Variants in ZNF845 observed in about 807,000 individuals in gnomAD.
ZNF845 encodes the protein zinc finger protein 845.
ZNF845 carries 59 observed loss-of-function variants against 76.1 expected under a neutral mutation model. The ratio of observed to expected loss-of-function variants is 0.78; its 90% confidence interval spans 0.63 to 0.96. The LOEUF is 0.96. Among genes scored for constraint, ZNF845 ranks in the 40% least tolerant of loss-of-function variants. The probability of loss-of-function intolerance (pLI) is 0.00; values close to 1 mark genes in which losing one functional copy is unlikely to be tolerated. For synonymous variants in ZNF845, 361 were observed against 386.9 expected, an observed-to-expected ratio of 0.93 and a Z score of 0.78; for missense variants, 1,045 against 1,172.8, an observed-to-expected ratio of 0.89 and a Z score of 1.59.
intron 1 of ZNF845, among the ~76,000 whole-genome samples, chr19:53,334,734 C>G (rs1321449801): frequency 2.6e-5 from 3 of 114,118 alleles, no homozygotes; most frequent in Non-Finnish European, 5.6e-5. Context: ...GACCCCCCCC[C>G]CCATCTCTGT....
At position 53,352,384 on chromosome 19, in the gene ZNF845, A is replaced by ATAT. The variant is rs1408740173; in HGVS notation, c.1709_1710insTAT (p.Gln570delinsHisIle). 5 of 1,613,718 alleles carry ATAT rather than the reference A, an allele frequency of 3.1e-6. No homozygotes were observed. The highest frequency in any genetic ancestry group is 4.2e-6 in the Non-Finnish European group (5 of 1,179,798). On this transcript the variant is annotated protein_altering_variant, in exon 4 of 4. Coordinates refer to ENST00000458035, the MANE Select transcript of ZNF845 (RefSeq NM_138374.3). ...GGGCAGTCAGCACTTATTTACCATC[A>ATAT]AGCAATCCATGGTATAGGGAAACTT...
At chr19:53,346,288 C>T in intron 3 of ZNF845, 1 of 343,270 alleles carries the variant, frequency 2.9e-6, no homozygotes, top group Non-Finnish European at 5.9e-6. Context: ...GCTTTGACTC[C>T]CTTCTTATTG....
chr19:53,334,745 C>A (rs138202614), intron 1 of ZNF845, among the ~76,000 whole-genome samples: 22 of 141,340 alleles, frequency 1.6e-4, no homozygotes, highest in Non-Finnish European at 2.8e-4. Flanking sequence ...CCATCTCTGT[C>A]AAAAAAAAAA....
chr19:53,349,998 G>T (rs1195240275), intron 3 of ZNF845, among the ~76,000 whole-genome samples: 1 of 152,186 alleles, frequency 6.6e-6, no homozygotes, highest in East Asian at 1.9e-4. Flanking sequence ...CTGGGCCATT[G>T]CACTCCAGCC....
intron 1 of ZNF845, among the ~76,000 whole-genome samples, chr19:53,338,690 G>A (rs1330429418): frequency 1.7e-5 from 2 of 118,322 alleles, no homozygotes; most frequent in South Asian, 2.6e-4. Context: ...GTCACAACAC[G>A]TGAGCACACA....
At chr19:53,344,352 A>G (rs2085278254) in intron 2 of ZNF845, among the ~76,000 whole-genome samples, 1 of 152,070 alleles carries the variant, frequency 6.6e-6, no homozygotes, top group Admixed American at 6.6e-5. Context: ...AACCTGGCCA[A>G]TATGGTGAAA....
At position 53,353,521 on chromosome 19, in the gene ZNF845, G is replaced by A. The variant is rs779612555; in HGVS notation, c.2846G>A (p.Gly949Asp). The change falls in exon 4 of 4, where the codon GGC (glycine) becomes GAC (aspartate). Residue 949 changes from glycine (G) to aspartate (D), a missense_variant. By Grantham distance (94) the Gly-to-Asp change is moderately conservative. Coordinates refer to ENST00000458035, the MANE Select transcript of ZNF845 (RefSeq NM_138374.3). ...AAACCTTACAAGTGTAATGAATGTGGCAAGGTTTTTAATCGAAAAGCAAAA... is the reference window on the plus strand; with the variant it reads ...AAACCTTACAAGTGTAATGAATGTGACAAGGTTTTTAATCGAAAAGCAAAA... ...GEKPYKCNECGKVFNRKAKLA... is the reference protein window; with the variant it reads ...GEKPYKCNECDKVFNRKAKLA... The A allele has an allele frequency of 3.7e-6, 6 of 1,612,892 alleles. No homozygotes were observed. The highest frequency in any genetic ancestry group is 5.1e-6 in the Non-Finnish European group (6 of 1,179,410).
At chr19:53,336,571 C>A (rs1358876938) in intron 1 of ZNF845, among the ~76,000 whole-genome samples, 1 of 150,958 alleles carries the variant, frequency 6.6e-6, no homozygotes. Context: ...TGCTTTTGTT[C>A]TCGTTGTGTA....
chr19:53,344,459 T>A, intron 2 of ZNF845, among the ~76,000 whole-genome samples: 1 of 151,928 alleles, frequency 6.6e-6, no homozygotes, highest in East Asian at 1.9e-4. Context: ...AATCACTTGA[T>A]CCTGGGAGGT....
At position 53,350,921 on chromosome 19, in the gene ZNF845, T is replaced by C. The variant is rs759596667; in HGVS notation, c.246T>C (p.Ile82=). 1.2e-6 allele frequency: 2 copies of C among 1,614,186 alleles called. No individual in the cohort carries two copies. Among genetic ancestry groups the C allele is most frequent in the Non-Finnish European group, 1.7e-6 (2 of 1,180,028 alleles). Residue 82 remains isoleucine, a synonymous_variant, in exon 4 of 4, where the codon ATT becomes ATC. Transcript: ENST00000458035. ...GTLQRHERHH[I]GDFCFQEMEK... is the part of the protein sequence containing the mutation. ...TGCAAAGACATGAACGTCATCACAT[T>C]GGAGATTTTTGCTTCCAGGAAATGG... is the stretch of plus-strand genomic sequence containing the variant.
rs1416676750 is a variant in ZNF845 at position 53,352,129 on chromosome 19, A to T, written c.1454A>T (p.His485Leu). 1.9e-6 allele frequency: 3 copies of T among 1,614,092 alleles called. No homozygotes were observed. The highest frequency in any genetic ancestry group is 1.1e-5 in the South Asian group (1 of 91,080). Residue 485 changes from histidine to leucine, a missense_variant, in exon 4 of 4, where the codon CAT (histidine) becomes CTT (leucine). His to Leu is a moderately conservative substitution (Grantham distance 99, BLOSUM62 -3). Coordinates refer to ENST00000458035, the MANE Select transcript of ZNF845 (RefSeq NM_138374.3). ...AGTCAGACATCATCCCTTGTATACC[A>T]TCGTAGACTTCATACTGGAGAGAAA... ...TFSQTSSLVY[H>L]RRLHTGEKPY...
At chr19:53,344,470 G>T (rs1177149229) in intron 2 of ZNF845, among the ~76,000 whole-genome samples, 1 of 152,026 alleles carries the variant, frequency 6.6e-6, no homozygotes, top group African/African-American at 2.4e-5. Context: ...CCTGGGAGGT[G>T]GAGGTTGCAG....
At position 53,345,552 on chromosome 19, in the gene ZNF845, A is replaced by G. The variant is rs536494704; in HGVS notation, c.62A>G (p.Glu21Gly). The G allele has an allele frequency of 2.5e-5, 40 of 1,613,432 alleles. No individual in the cohort carries two copies. In the South Asian group the frequency reaches 4.4e-4, roughly 18 times the overall value. ...RDVAIEFSQE[E>G]WKCLDPAQRT... Reference sequence around the variant, plus strand: ...GTGGCCATAGAATTCTCTCAGGAAGAGTGGAAGTGCCTGGACCCTGCTCAG... The same window carrying G: ...GTGGCCATAGAATTCTCTCAGGAAGGGTGGAAGTGCCTGGACCCTGCTCAG... Residue 21 changes from glutamate (E) to glycine (G), a missense_variant, in exon 3 of 4, where the codon GAG becomes GGG. Transcript: ENST00000458035.
rs2085380378 is a variant in ZNF845, at chr19:53,355,568, T to A, written c.*1980T>A. 6.6e-6 allele frequency: 1 copy of A among 152,124 alleles called. No homozygotes were observed. Among genetic ancestry groups the A allele is most frequent in the Admixed American group, 6.5e-5 (1 of 15,284 alleles). The allele number at this position is 152,124 out of a possible 1,614,324, so 9.4% of individuals were successfully genotyped here. A position where few individuals can be genotyped will look rare whatever the true frequency, so the allele number is the denominator to read the frequency against. ...CTTCGGACTTGCAAATTGCTGGGAT[T>A]ATGGGTGTGAGCCATGAGCCCGGCC... On this transcript the variant is annotated 3_prime_UTR_variant, in exon 4 of 4. Transcript: ENST00000458035.
intron 1 of ZNF845, among the ~76,000 whole-genome samples, chr19:53,340,251 C>T (rs2085246791): frequency 6.6e-6 from 1 of 152,166 alleles, no homozygotes. Flanking sequence ...AGGGTTTCAC[C>T]ATGTTGGCCA....
At chr19:53,349,865 T>C (rs1256541566) in intron 3 of ZNF845, among the ~76,000 whole-genome samples, 1 of 151,880 alleles carries the variant, frequency 6.6e-6, no homozygotes, top group Non-Finnish European at 1.5e-5. Context: ...TGAAACCCCA[T>C]CTTTACTAAA....
chr19:53,334,576 A>G (rs1293125778), intron 1 of ZNF845, among the ~76,000 whole-genome samples: 1 of 151,888 alleles, frequency 6.6e-6, no homozygotes, highest in Admixed American at 6.6e-5. Flanking sequence ...AATGAGAGAT[A>G]TGTACAGAAT....
intron 1 of ZNF845, among the ~76,000 whole-genome samples, chr19:53,335,007 A>G (rs2085203461): frequency 6.6e-6 from 1 of 152,178 alleles, no homozygotes; most frequent in Non-Finnish European, 1.5e-5. Flanking sequence ...TATATAATCT[A>G]ATAACTTAGA....
intron 1 of ZNF845, among the ~76,000 whole-genome samples, chr19:53,339,491 GCTGTT>G (rs1244150109): frequency 6.6e-6 from 1 of 152,118 alleles, no homozygotes; most frequent in African/African-American, 2.4e-5. Context: ...CTTCGTGTCC[GCTGTT>G]CTGTTCTGAC....
Sources: gnomAD v4.1 joint callset for allele counts (sites outside exome capture counted in the v4.1 genomes callset) on GRCh38, gnomAD v4.1.1 for gene constraint, MANE v1.5 for transcripts, NCBI Gene and HGNC (gene_info 2026-07-23, HGNC 2026-07-21) for gene names.